Variants in CCDC33 observed in about 807,000 individuals in gnomAD.
CCDC33 encodes coiled-coil domain-containing protein 33.
In CCDC33, 94 loss-of-function variants were observed where a neutral mutation model predicts 91.9. That is an observed-to-expected ratio of 1.02 (90% CI 0.87 to 1.21). CCDC33 has a LOEUF of 1.21. CCDC33 is among the 50% of genes most tolerant of loss of function. CCDC33 has a pLI of 0.00. For synonymous variants in CCDC33, 396 were observed against 374.5 expected, an observed-to-expected ratio of 1.06 and a Z score of -0.66; for missense variants, 940 against 935.5, an observed-to-expected ratio of 1.00 and a Z score of -0.06.
downstream of CCDC33, chr15:74,336,400 G>A (rs1018787438): frequency 9.1e-6 from 12 of 1,316,810 alleles, no homozygotes; most frequent in East Asian, 4.0e-4. Flanking sequence ...CAGCTCTGTT[G>A]GGAAATACGA....
At chr15:74,211,647 GC>G (rs372119095) in intron 2 of CCDC33, among the ~76,000 whole-genome samples, 267 of 152,052 alleles carry the variant, frequency 1.8e-3, no homozygotes, top group African/African-American at 6.2e-3. Context: ...CAGGTGATCT[GC>G]CCACCTCGGC....
intron 2 of CCDC33, among the ~76,000 whole-genome samples, chr15:74,228,840 G>T (rs1050739008): frequency 1.3e-5 from 2 of 152,216 alleles, no homozygotes; most frequent in East Asian, 3.8e-4. Flanking sequence ...CGCTGCAAAT[G>T]CGATTTCATG....
At chr15:74,285,295 C>T (rs201403209) in intron 10 of CCDC33, among the ~76,000 whole-genome samples, 36 of 152,332 alleles carry the variant, frequency 2.4e-4, no homozygotes, top group East Asian at 9.6e-4. Context: ...GCCACTACCA[C>T]GTCACCCATT....
intron 3 of CCDC33, among the ~76,000 whole-genome samples, chr15:74,265,591 G>A (rs188335626): frequency 0.011 from 1,621 of 152,304 alleles, 20 homozygotes; most frequent in Non-Finnish European, 0.018. Context: ...ATACCTACCC[G>A]GGGGGTTGTG....
chr15:74,229,506 AAAAAT>A (rs1391812811), intron 2 of CCDC33, among the ~76,000 whole-genome samples: 7 of 152,230 alleles, frequency 4.6e-5, no homozygotes, highest in Non-Finnish European at 1.0e-4. Flanking sequence ...AAATAGAAAT[AAAAAT>A]AAAATAAAGT....
chr15:74,249,579 C>A (rs2075641873), intron 2 of CCDC33, among the ~76,000 whole-genome samples: 1 of 151,524 alleles, frequency 6.6e-6, no homozygotes, highest in Non-Finnish European at 1.5e-5. Flanking sequence ...TGCAATAAGA[C>A]AACCCAAAAA....
At chr15:74,245,270 A>C (rs1046845295) in intron 2 of CCDC33, among the ~76,000 whole-genome samples, 2 of 152,068 alleles carry the variant, frequency 1.3e-5, no homozygotes, top group Admixed American at 6.5e-5. Context: ...CCTGGTTACT[A>C]TGATAAGTCC....
intron 2 of CCDC33, among the ~76,000 whole-genome samples, chr15:74,247,776 G>C (rs555826522): frequency 1.3e-5 from 2 of 152,256 alleles, no homozygotes; most frequent in Admixed American, 1.3e-4. Flanking sequence ...GGTGACTCTA[G>C]TTAATGATAC....
intron 6 of CCDC33, 101 bp downstream of exon 6, chr15:74,271,895 G>A (rs950553783): frequency 3.0e-5 from 29 of 980,996 alleles, no homozygotes; most frequent in South Asian, 2.4e-4. Flanking sequence ...CAGGACCTCC[G>A]GCAACCCCTC....
intron 10 of CCDC33, among the ~76,000 whole-genome samples, chr15:74,286,984 T>A (rs1403902501): frequency 1.3e-5 from 2 of 152,138 alleles, no homozygotes; most frequent in East Asian, 3.9e-4. Flanking sequence ...GTTACAAAGA[T>A]CTCTCTGGAG....
intron 2 of CCDC33, among the ~76,000 whole-genome samples, chr15:74,227,986 G>T (rs1450316955): frequency 6.6e-6 from 1 of 152,116 alleles, no homozygotes; most frequent in Non-Finnish European, 1.5e-5. Context: ...TGGAGGCGGG[G>T]GTGGGGGGAT....
At chr15:74,312,964 T>A (rs1023149233) in intron 11 of CCDC33, among the ~76,000 whole-genome samples, 3 of 152,146 alleles carry the variant, frequency 2.0e-5, no homozygotes, top group African/African-American at 7.2e-5. Context: ...AACCAAACAA[T>A]GCCCTGGAAG....
intron 1 of CCDC33, among the ~76,000 whole-genome samples, chr15:74,207,211 TAGA>T (rs1340147372): frequency 6.6e-6 from 1 of 152,142 alleles, no homozygotes; most frequent in Non-Finnish European, 1.5e-5. Flanking sequence ...GTGCCAAGCT[TAGA>T]AGAAGCTAAC....
At chr15:74,247,944 G>A (rs1406980132) in intron 2 of CCDC33, among the ~76,000 whole-genome samples, 2 of 152,162 alleles carry the variant, frequency 1.3e-5, no homozygotes, top group Non-Finnish European at 2.9e-5. Context: ...TGGCGTGGTG[G>A]TGGGCACATG....
chr15:74,207,693 C>T (rs2074291712), intron 1 of CCDC33: 1 of 1,535,328 alleles, frequency 6.5e-7, no homozygotes, highest in Middle Eastern at 1.7e-4. Context: ...GCCACTGTGC[C>T]CACCTGTGCA....
chr15:74,217,326 C>A, exon 1 of CCDC33: 1 of 1,289,456 alleles, frequency 7.8e-7, no homozygotes, highest in Non-Finnish European at 1.0e-6. Flanking sequence ...GAGACAGAGG[C>A]TGAAGGCCGA....
intron 11 of CCDC33, among the ~76,000 whole-genome samples, chr15:74,299,041 A>G (rs112204223): frequency 0.036 from 5,427 of 152,220 alleles, 122 homozygotes; most frequent in Middle Eastern, 0.12. Flanking sequence ...AACAGTAACC[A>G]TTGTGAGCGA....
intron 11 of CCDC33, among the ~76,000 whole-genome samples, chr15:74,323,906 A>G (rs561083338): frequency 1.0e-3 from 142 of 142,406 alleles, no homozygotes; most frequent in Non-Finnish European, 2.0e-3. Context: ...CCTGACCAAC[A>G]TGGTGAAACC....
At chr15:74,255,039 C>T (rs922519236) in intron 2 of CCDC33, among the ~76,000 whole-genome samples, 1 of 152,074 alleles carries the variant, frequency 6.6e-6, no homozygotes, top group African/African-American at 2.4e-5. Flanking sequence ...TGAGCCACCA[C>T]GCCTGGCCTC....
Sources: gnomAD v4.1 joint callset for allele counts (sites outside exome capture counted in the v4.1 genomes callset) on GRCh38, gnomAD v4.1.1 for gene constraint, MANE v1.5 for transcripts, NCBI Gene and HGNC (gene_info 2026-07-23, HGNC 2026-07-21) for gene names.